METTL8: variants seen among roughly 807,000 people sequenced by gnomAD.
METTL8 encodes the protein tRNA N(3)-cytidine methyltransferase METTL8, mitochondrial.
A neutral mutation model predicts 48.7 loss-of-function variants in METTL8; 32 were observed. That is an observed-to-expected ratio of 0.66 (90% CI 0.50 to 0.88). The LOEUF (loss-of-function observed/expected upper bound fraction) is 0.88, where lower values mean the gene tolerates loss of function less well. Among genes scored for constraint, METTL8 ranks in the 40% least tolerant of loss-of-function variants. The pLI is 0.00. For synonymous variants in METTL8, 136 were observed against 157.1 expected (o/e 0.87, Z 1.01); for missense variants, 464 against 474.4 (o/e 0.98, Z 0.20).
chr2:171,382,943 G>A (rs373781792), intron 2 of METTL8, among the ~76,000 whole-genome samples: 3 of 151,470 alleles, frequency 2.0e-5, no homozygotes, highest in Non-Finnish European at 2.9e-5. Context: ...GTGTGGTGGC[G>A]GGCGCCTGTA....
chr2:171,339,748 T>C (rs761374017), intron 3 of METTL8, among the ~76,000 whole-genome samples, 194 bp from the exon 4 acceptor site: 1 of 152,192 alleles, frequency 6.6e-6, no homozygotes, highest in Non-Finnish European at 1.5e-5. Flanking sequence ...TCTCTCAAAA[T>C]GTGTCAAAAT....
chr2:171,375,613 T>C (rs952608951), intron 2 of METTL8, among the ~76,000 whole-genome samples: 59 of 152,322 alleles, frequency 3.9e-4, no homozygotes, highest in African/African-American at 1.3e-3. Context: ...TATATCTTCT[T>C]TGGTGAAGTA....
intron 2 of METTL8, among the ~76,000 whole-genome samples, chr2:171,360,974 A>AC (rs1187094511): frequency 2.2e-4 from 34 of 152,326 alleles, no homozygotes; most frequent in Admixed American, 2.1e-3. Context: ...TTAGCCTGCA[A>AC]TTTTTAAAGT....
intron 4 of METTL8, among the ~76,000 whole-genome samples, chr2:171,338,144 T>C (rs1183979171): frequency 6.6e-6 from 1 of 152,152 alleles, no homozygotes; most frequent in Non-Finnish European, 1.5e-5. Flanking sequence ...ACCCAAAATG[T>C]TTGCTTCAGA....
At chr2:171,400,510 C>T (rs1689537544) in intron 1 of METTL8, among the ~76,000 whole-genome samples, 1 of 152,096 alleles carries the variant, frequency 6.6e-6, no homozygotes, top group African/African-American at 2.4e-5. Flanking sequence ...GCAAGCAATG[C>T]CATTGGTAGT....
At chr2:171,432,419 G>A (rs1191797344) in intron 1 of METTL8, among the ~76,000 whole-genome samples, 1 of 152,114 alleles carries the variant, frequency 6.6e-6, no homozygotes, top group Non-Finnish European at 1.5e-5. Context: ...ACTTGGTGGT[G>A]AAATAAAGGC....
chr2:171,375,058 C>T (rs1331351612), intron 2 of METTL8: 3 of 1,126,736 alleles, frequency 2.7e-6, no homozygotes, highest in South Asian at 1.2e-5. Context: ...ACAACTCACA[C>T]AGTAATATAG....
At chr2:171,418,946 G>A (rs1574222810) in intron 1 of METTL8, among the ~76,000 whole-genome samples, 1 of 151,488 alleles carries the variant, frequency 6.6e-6, no homozygotes, top group Admixed American at 6.6e-5. Flanking sequence ...CTATACTCCA[G>A]TATAAGTATA....
At chr2:171,426,062 C>G (rs1372297715) in intron 1 of METTL8, among the ~76,000 whole-genome samples, 1 of 152,144 alleles carries the variant, frequency 6.6e-6, no homozygotes, top group Non-Finnish European at 1.5e-5. Context: ...GAGGCTGAGG[C>G]AGGAGAATCT....
chr2:171,342,104 G>A (rs1360105839), intron 3 of METTL8, among the ~76,000 whole-genome samples: 1 of 152,220 alleles, frequency 6.6e-6, no homozygotes, highest in Non-Finnish European at 1.5e-5. Context: ...ACAAGCAGTT[G>A]CCTGTAATCA....
intron 2 of METTL8, among the ~76,000 whole-genome samples, chr2:171,367,865 C>T (rs746532516): frequency 6.6e-6 from 1 of 152,196 alleles, no homozygotes; most frequent in Non-Finnish European, 1.5e-5. Context: ...ATTGTAATGT[C>T]TAGAGCTGTG....
chr2:171,381,780 CTTTTTTTTTTT>C (rs35185395), intron 2 of METTL8, among the ~76,000 whole-genome samples: 3 of 125,684 alleles, frequency 2.4e-5, no homozygotes, highest in African/African-American at 9.2e-5. Flanking sequence ...ATTAGGAACA[CTTTTTTTTTTT>C]TTTTTTTTTG....
At chr2:171,370,692 G>A (rs1174924724) in intron 2 of METTL8, among the ~76,000 whole-genome samples, 2 of 152,190 alleles carry the variant, frequency 1.3e-5, no homozygotes, top group Non-Finnish European at 2.9e-5. Flanking sequence ...TCGGGAGGCT[G>A]AGGCAGGAGA....
intron 1 of METTL8, among the ~76,000 whole-genome samples, chr2:171,420,835 C>A (rs910780402): frequency 1.3e-5 from 2 of 152,120 alleles, no homozygotes; most frequent in Non-Finnish European, 2.9e-5. Flanking sequence ...TGATAAAATT[C>A]AACATTCGCT....
chr2:171,330,793 T>A, intron 6 of METTL8, 95 bp from the exon 7 acceptor site: 1 of 1,016,732 alleles, frequency 9.8e-7, no homozygotes, highest in Non-Finnish European at 1.4e-6. Flanking sequence ...TTTAACCTTT[T>A]CTCCCAAAAG....
At chr2:171,337,370 T>G in intron 5 of METTL8, 83 bp downstream of exon 5, 1 of 987,288 alleles carries the variant, frequency 1.0e-6, no homozygotes, top group Non-Finnish European at 1.5e-6. Context: ...ACTACTGGCA[T>G]ACACGTGACA....
In METTL8 at chr2:171,323,226, C is replaced by CTTTTTTTTTT. The variant is rs35200087; in HGVS notation, c.*936_*945dup. 3 of 69,356 alleles carry CTTTTTTTTTT rather than the reference C, an allele frequency of 4.3e-5. No individual in the cohort carries two copies. The highest frequency in any genetic ancestry group is 5.0e-5 in the Non-Finnish European group (2 of 40,322). The allele number at this position is 69,356 out of a possible 1,614,324, so 4.3% of individuals were successfully genotyped here. On this transcript the variant is annotated 3_prime_UTR_variant, in exon 10 of 10. Coordinates refer to ENST00000375258, the MANE Select transcript of METTL8 (RefSeq NM_001321154.2). ...TACAAGAGCTTGTCAGCTTACATACCTTTTTTTTTTTTTTTTTTTTTTTTG... is the reference window on the plus strand; with the variant it reads ...TACAAGAGCTTGTCAGCTTACATACCTTTTTTTTTTTTTTTTTTTTTTTTTTTTTTTTTTG...
rs1455429942 is a variant in METTL8 at position 171,317,428 on chromosome 2, T to G, written c.*6744A>C. 6.6e-6 allele frequency: 1 copy of G among 152,280 alleles called. No individual in the cohort carries two copies. The highest frequency in any genetic ancestry group is 1.5e-5 in the Non-Finnish European group (1 of 68,074). 9.4% of individuals were successfully genotyped at this position (152,280 alleles called of 1,614,324 possible). A position where few individuals can be genotyped will look rare whatever the true frequency, so the allele number is the denominator to read the frequency against. ...TTAGGAGGCAATCAAAGGCTCATTTTATTTGATAGGTAACATCTGATACAG... is the reference window on the plus strand; with the variant it reads ...TTAGGAGGCAATCAAAGGCTCATTTGATTTGATAGGTAACATCTGATACAG... On this transcript the variant is annotated 3_prime_UTR_variant, in exon 10 of 10. Transcript: ENST00000375258.
At chr2:171,350,031 T>G (rs1683717219) in intron 3 of METTL8, among the ~76,000 whole-genome samples, 1 of 152,196 alleles carries the variant, frequency 6.6e-6, no homozygotes, top group Non-Finnish European at 1.5e-5. Flanking sequence ...GTTACACATG[T>G]ATACTTGTGC....
Sources: gnomAD v4.1 joint callset for allele counts (sites outside exome capture counted in the v4.1 genomes callset) on GRCh38, gnomAD v4.1.1 for gene constraint, MANE v1.5 for transcripts, NCBI Gene and HGNC (gene_info 2026-07-23, HGNC 2026-07-21) for gene names.